CLEC6A: variants seen among roughly 807,000 people sequenced by gnomAD.
The protein encoded by CLEC6A is C-type lectin domain family 6 member A.
CLEC6A carries 22 observed loss-of-function variants against 25.7 expected under a neutral mutation model. The observed-to-expected ratio is 0.85, with a 90% CI of 0.61 to 1.22. CLEC6A has a LOEUF of 1.22. Ranked by LOEUF, CLEC6A falls within the 50% of genes most tolerant of loss-of-function variation. CLEC6A has a pLI of 0.00. For missense variants in CLEC6A, 240 were observed against 236.8 expected (o/e 1.01, Z -0.09); for synonymous variants, 92 against 76.7 (o/e 1.20, Z -1.04).
At chr12:8,459,552 T>G in intron 2 of CLEC6A, 45 bp from the exon 3 acceptor site, 1 of 1,276,842 alleles carries the variant, frequency 7.8e-7, no homozygotes, top group Non-Finnish European at 1.1e-6. Flanking sequence ...TAAGGCTTTA[T>G]AGCAAAATAA....
At position 8,460,537 on chromosome 12, in the gene CLEC6A, A is replaced by G; in HGVS notation, c.223+839A>G. 5 of 714,858 alleles carry G rather than the reference A, an allele frequency of 7.0e-6. No individual in the cohort carries two copies. The South Asian group carries it at 8.7e-5, about 12-fold the overall frequency. 44.3% of individuals were successfully genotyped at this position (714,858 alleles called of 1,614,324 possible). On this transcript the variant is annotated intron_variant, in intron 3 of 5. Coordinates refer to ENST00000382073, the MANE Select transcript of CLEC6A (RefSeq NM_001007033.2). ...TTCAAGGTGAGATTTGGGTGGAGACAGAGAACCAAACCATATCAGTCAGCT... is the reference window on the plus strand; with the variant it reads ...TTCAAGGTGAGATTTGGGTGGAGACGGAGAACCAAACCATATCAGTCAGCT...
At chr12:8,476,424 G>A (rs1307579879) in intron 5 of CLEC6A, among the ~76,000 whole-genome samples, 184 bp downstream of exon 5, 1 of 151,952 alleles carries the variant, frequency 6.6e-6, no homozygotes, top group Non-Finnish European at 1.5e-5. Flanking sequence ...TAATTTTACA[G>A]ATAAAAAATT....
At chr12:8,477,248 A>C in intron 5 of CLEC6A, 72 bp from the exon 6 acceptor site, 1 of 1,273,966 alleles carries the variant, frequency 7.8e-7, no homozygotes, top group East Asian at 2.5e-5. Context: ...TGTTCACCCC[A>C]GACTTTTATA....
rs117876331 is a variant in CLEC6A at position 8,467,377 on chromosome 12, G to A, written c.369+1748G>A. Among the ~76,000 whole-genome samples, 237 of 152,276 alleles carry A rather than the reference G, an allele frequency of 1.6e-3. 4 individuals are homozygous for A. The East Asian group carries it at 0.041, about 26-fold the overall frequency. On this transcript the variant is annotated intron_variant, in intron 4 of 5. Transcript: ENST00000382073. ...TGAGTTAATTTCTTATATGACGTAA[G>A]GTAAGGATTCAACTTGATTATTTTG... is the stretch of plus-strand genomic sequence containing the variant.
At chr12:8,462,033 C>T (rs1939763101) in intron 3 of CLEC6A, among the ~76,000 whole-genome samples, 1 of 152,190 alleles carries the variant, frequency 6.6e-6, no homozygotes, top group Admixed American at 6.5e-5. Flanking sequence ...AATTCTTCTG[C>T]CTTGAGATGC....
Position 8,476,131 on chromosome 12 carries a change from A to G in CLEC6A, c.376A>G (p.Ile126Val). The change falls in exon 5 of 6, where the codon ATT becomes GTT. Residue 126 changes from isoleucine to valine, a missense_variant. Ile to Val is a conservative substitution (Grantham distance 29, BLOSUM62 3). Coordinates refer to ENST00000382073, the MANE Select transcript of CLEC6A (RefSeq NM_001007033.2). ...VFNTEAEQNF[I>V]VQQLNESFSY... ...TTTTTTTTCCTTCATGCAGAATTTCATTGTCCAGCAGCTGAATGAGTCATT... is the reference window on the plus strand; with the variant it reads ...TTTTTTTTCCTTCATGCAGAATTTCGTTGTCCAGCAGCTGAATGAGTCATT... 1.2e-6 allele frequency: 2 copies of G among 1,602,620 alleles called. No individual in the cohort carries two copies. Among genetic ancestry groups the G allele is most frequent in the Admixed American group, 1.7e-5 (1 of 58,036 alleles).
In CLEC6A at chr12:8,476,256, G is replaced by A. The variant is rs1939973203; in HGVS notation, c.485+16G>A. On this transcript the variant is annotated intron_variant, in intron 5 of 5. Coordinates refer to ENST00000382073, the MANE Select transcript of CLEC6A (RefSeq NM_001007033.2). ...AAAATGTCAGGTGAGTGCAGTTCTGGGGCCTTGTTTACATAGAAAATCTAG... is the reference window on the plus strand; with the variant it reads ...AAAATGTCAGGTGAGTGCAGTTCTGAGGCCTTGTTTACATAGAAAATCTAG... The A allele has an allele frequency of 2.8e-6, 4 of 1,434,020 alleles. No individual in the cohort carries two copies. The highest frequency in any genetic ancestry group is 3.9e-6 in the Non-Finnish European group (4 of 1,033,816). The allele number at this position is 1,434,020 out of a possible 1,614,324, so 88.8% of individuals were successfully genotyped here.
intron 3 of CLEC6A, chr12:8,461,001 A>T: frequency 7.2e-7 from 1 of 1,380,006 alleles, no homozygotes; most frequent in Non-Finnish European, 1.0e-6. Context: ...CCACATAAAA[A>T]TTTTTGGGGG....
At chr12:8,471,692 G>A (rs923208612) in intron 4 of CLEC6A, among the ~76,000 whole-genome samples, 13 of 152,064 alleles carry the variant, frequency 8.5e-5, no homozygotes, top group South Asian at 8.3e-4. Context: ...GTCTAGATAA[G>A]CATTTGTCAA....
Position 8,477,499 on chromosome 12 carries a change from T to C in CLEC6A, c.*35T>C. On this transcript the variant is annotated 3_prime_UTR_variant, in exon 6 of 6. Coordinates refer to ENST00000382073, the MANE Select transcript of CLEC6A (RefSeq NM_001007033.2). Reference sequence around the variant, plus strand: ...TAATTGGAAAGAAGAGAAGAATTACTGACGTAATTTTTTCCCTGACGTCTT... The same window carrying C: ...TAATTGGAAAGAAGAGAAGAATTACCGACGTAATTTTTTCCCTGACGTCTT... The C allele has an allele frequency of 6.5e-7, 1 of 1,531,648 alleles. No individual in the cohort carries two copies. The highest frequency in any genetic ancestry group is 2.1e-5 in the Admixed American group (1 of 47,078). The allele number at this position is 1,531,648 out of a possible 1,614,324, so 94.9% of individuals were successfully genotyped here. A position where few individuals can be genotyped will look rare whatever the true frequency, so the allele number is the denominator to read the frequency against.
chr12:8,476,229 GA>G lies in CLEC6A; in HGVS notation c.479del (p.Asn160MetfsTer7). 1 of 1,596,108 alleles carries G rather than the reference GA, an allele frequency of 6.3e-7. No individual in the cohort carries two copies. ...AATGGATTGATAAGACACCTTATGA[GA>G]AAAATGTCAGGTGAGTGCAGTTCTG... is the stretch of plus-strand genomic sequence containing the variant. The part of the protein sequence containing the change: ...WQWIDKTPYE[K>X]NVRFWHLGEP... On this transcript the variant is annotated frameshift_variant, in exon 5 of 6. Coordinates refer to ENST00000382073, the MANE Select transcript of CLEC6A (RefSeq NM_001007033.2). LOFTEE classifies it low-confidence loss of function (END_TRUNC).
chr12:8,456,010 T>G lies in CLEC6A; in HGVS notation c.-102T>G. On this transcript the variant is annotated 5_prime_UTR_variant, in exon 1 of 6. Coordinates refer to ENST00000382073, the MANE Select transcript of CLEC6A (RefSeq NM_001007033.2). The stretch of plus-strand genomic sequence containing the variant: ...ATAAGAGTGTGTAGCAGTTTGTCCC[T>G]GAGCTCTAGCTTCTTTAAATGAAGC... 9.2e-7 allele frequency: 1 copy of G among 1,086,612 alleles called. No homozygotes were observed. The highest frequency in any genetic ancestry group is 1.4e-6 in the Non-Finnish European group (1 of 710,232). 67.3% of individuals were successfully genotyped at this position (1,086,612 alleles called of 1,614,324 possible).
At chr12:8,459,502 G>T (rs1939724079) in intron 2 of CLEC6A, 95 bp from the exon 3 acceptor site, 1 of 721,156 alleles carries the variant, frequency 1.4e-6, no homozygotes, top group Non-Finnish European at 2.5e-6. Flanking sequence ...AAACAGCAGT[G>T]GGGGTCAGAG....
rs763928468 is a variant in CLEC6A, at chr12:8,467,045, G to T, written c.369+1416G>T. Among the ~76,000 whole-genome samples the T allele has an allele frequency of 2.6e-5, 4 of 152,236 alleles. No homozygotes were observed. The East Asian group carries it at 5.8e-4, about 22-fold the overall frequency. Reference sequence around the variant, plus strand: ...TGCCCTCTTTTTAACTGTGTTATTTGTTTTATTGTTGTTGAGTTGGAGGTG... The same window carrying T: ...TGCCCTCTTTTTAACTGTGTTATTTTTTTTATTGTTGTTGAGTTGGAGGTG... On this transcript the variant is annotated intron_variant, in intron 4 of 5. Transcript: ENST00000382073.
At position 8,476,224 on chromosome 12, in the gene CLEC6A, T is replaced by G; in HGVS notation, c.469T>G (p.Tyr157Asp). 6.2e-7 allele frequency: 1 copy of G among 1,601,488 alleles called. No homozygotes were observed. Among genetic ancestry groups the G allele is most frequent in the Non-Finnish European group, 8.5e-7 (1 of 1,174,680 alleles). ...NNWQWIDKTP[Y>D]EKNVRFWHLG... ...TTGGCAATGGATTGATAAGACACCT[T>G]ATGAGAAAAATGTCAGGTGAGTGCA... Residue 157 changes from tyrosine (Y) to aspartate (D), a missense_variant, in exon 5 of 6, where the codon TAT (tyrosine) becomes GAT (aspartate). Transcript: ENST00000382073.
At chr12:8,464,019 A>G (rs1281132526) in intron 3 of CLEC6A, among the ~76,000 whole-genome samples, 1 of 152,232 alleles carries the variant, frequency 6.6e-6, no homozygotes, top group Non-Finnish European at 1.5e-5. Flanking sequence ...GTATGTTAAT[A>G]CATACTTTGA....
At chr12:8,458,078 T>A in intron 2 of CLEC6A, 91 bp downstream of exon 2, 1 of 832,632 alleles carries the variant, frequency 1.2e-6, no homozygotes, top group Non-Finnish European at 2.0e-6. Flanking sequence ...TTTGCCCCAT[T>A]AATACGTCAG....
At position 8,457,939 on chromosome 12, in the gene CLEC6A, G is replaced by A; in HGVS notation, c.73G>A (p.Gly25Arg). 1 of 1,614,034 alleles carries A rather than the reference G, an allele frequency of 6.2e-7. No homozygotes were observed. The highest frequency in any genetic ancestry group is 2.2e-5 in the East Asian group (1 of 44,882). ...WLSLRLWSVA[G>R]ISIALLSACF... ...GTCCCTGAGACTCTGGTCTGTGGCT[G>A]GGATTTCCATTGCACTCCTCAGTGC... Residue 25 changes from glycine to arginine, a missense_variant, in exon 2 of 6, where the codon GGG (glycine) becomes AGG (arginine). By Grantham distance (125) the Gly-to-Arg change is moderately radical. Transcript: ENST00000382073.
At chr12:8,460,010 T>A (rs1939732224) in intron 3 of CLEC6A, among the ~76,000 whole-genome samples, 1 of 152,208 alleles carries the variant, frequency 6.6e-6, no homozygotes, top group African/African-American at 2.4e-5. Flanking sequence ...TCACCCTCCA[T>A]CATAAAATAA....
Sources: gnomAD v4.1 joint callset for allele counts (sites outside exome capture counted in the v4.1 genomes callset) on GRCh38, gnomAD v4.1.1 for gene constraint, MANE v1.5 for transcripts, NCBI Gene and HGNC (gene_info 2026-07-23, HGNC 2026-07-21) for gene names.